DGKD: variants seen among roughly 807,000 people sequenced by gnomAD.
DGKD encodes the protein DAG kinase delta.
A neutral mutation model predicts 154.4 loss-of-function variants in DGKD; 68 were observed. That is an observed-to-expected ratio of 0.44 (90% CI 0.36 to 0.54). The LOEUF (loss-of-function observed/expected upper bound fraction) is 0.54. DGKD is among the 20% of genes least tolerant of loss of function. DGKD has a pLI of 0.00. For synonymous variants in DGKD, 693 were observed against 638.0 expected, an observed-to-expected ratio of 1.09 and a Z score of -1.30; for missense variants, 1,343 against 1,593.6, an observed-to-expected ratio of 0.84 and a Z score of 2.68.
Position 233,457,894 on chromosome 2 carries a change from T to G in DGKD, c.2581-390T>G. ...AGGTGTTGATAGGTTTAAACCTGGT[T>G]TAAACCTTCCTTTGTACGTAATAGC... On this transcript the variant is annotated intron_variant, in intron 21 of 29. Coordinates refer to ENST00000264057, the MANE Select transcript of DGKD (RefSeq NM_152879.3). The surrounding 1 kb of genome is among the most constrained non-coding windows in gnomAD (Gnocchi z 5.5). 1 of 323,328 alleles carries G rather than the reference T, an allele frequency of 3.1e-6. No individual in the cohort carries two copies. Among genetic ancestry groups the G allele is most frequent in the Middle Eastern group, 1.1e-3 (1 of 942 alleles). 20.0% of individuals were successfully genotyped at this position (323,328 alleles called of 1,614,324 possible). A position where few individuals can be genotyped will look rare whatever the true frequency, so the allele number is the denominator to read the frequency against.
At chr2:233,358,382 C>T (rs1383210756) in intron 1 of DGKD, among the ~76,000 whole-genome samples, 1 of 152,006 alleles carries the variant, frequency 6.6e-6, no homozygotes, top group Non-Finnish European at 1.5e-5. Flanking sequence ...AGCATTTTTT[C>T]CATTGTGAAA....
intron 17 of DGKD, 36 bp downstream of exon 17, chr2:233,451,086 C>G (rs1195325349): frequency 1.3e-6 from 2 of 1,586,416 alleles, no homozygotes; most frequent in Non-Finnish European, 1.7e-6. Flanking sequence ...TGGTGGGGGC[C>G]CTAGCACAAC....
chr2:233,449,438 C>T lies in DGKD; in HGVS notation c.1888+62C>T, dbSNP rs572636116. ...GCCAGCACTGGGCATGCCCAGCGTCCCCTGAACACGGAGATGACAGAAGGG... is the reference window on the plus strand; with the variant it reads ...GCCAGCACTGGGCATGCCCAGCGTCTCCTGAACACGGAGATGACAGAAGGG... On this transcript the variant is annotated intron_variant, in intron 15 of 29. Transcript: ENST00000264057. The surrounding 1 kb of genome is among the most constrained non-coding windows in gnomAD (Gnocchi z 5.3). 36 of 1,526,688 alleles carry T rather than the reference C, an allele frequency of 2.4e-5. No individual in the cohort carries two copies. The South Asian group carries it at 2.6e-4, about 11-fold the overall frequency. 94.6% of individuals were successfully genotyped at this position (1,526,688 alleles called of 1,614,324 possible).
chr2:233,446,654 G>T (rs909170502), intron 11 of DGKD, 58 bp from the exon 12 acceptor site: 3 of 1,574,020 alleles, frequency 1.9e-6, no homozygotes, highest in East Asian at 2.2e-5. Context: ...ACGGCGCAGG[G>T]TTCACCCTTG....
chr2:233,366,438 TG>T (rs919932602), intron 1 of DGKD, among the ~76,000 whole-genome samples: 10 of 152,136 alleles, frequency 6.6e-5, no homozygotes, highest in African/African-American at 2.4e-4. Context: ...GTGTGGGTGT[TG>T]GGGGAGAGGA....
At chr2:233,389,865 C>T (rs1180129534) in intron 2 of DGKD, among the ~76,000 whole-genome samples, 2 of 152,144 alleles carry the variant, frequency 1.3e-5, no homozygotes, top group Non-Finnish European at 2.9e-5. Context: ...GATCCTTCTG[C>T]TCTACTCCCT....
intron 18 of DGKD, among the ~76,000 whole-genome samples, chr2:233,453,003 G>A (rs1182189808): frequency 6.6e-6 from 1 of 152,196 alleles, no homozygotes; most frequent in Non-Finnish European, 1.5e-5. Context: ...GGGGCTGCGT[G>A]GGGCTCCAGT....
At position 233,408,050 on chromosome 2, in the gene DGKD, T is replaced by G. The variant is rs866947671; in HGVS notation, c.348+17567T>G. ...CTCGGAGAGAGGAAAAACTGTTTTT[T>G]TTTTTTTTTTTCAGATGAGTCTCAC... is the stretch of plus-strand genomic sequence containing the variant. On this transcript the variant is annotated intron_variant, in intron 3 of 29. Transcript: ENST00000264057. Among the ~76,000 whole-genome samples the G allele has an allele frequency of 5.3e-5, 8 of 151,702 alleles. No individual in the cohort carries two copies. The East Asian group carries it at 5.8e-4, about 11-fold the overall frequency.
intron 1 of DGKD, among the ~76,000 whole-genome samples, chr2:233,387,202 G>A (rs1703237762): frequency 6.6e-6 from 1 of 152,200 alleles, no homozygotes; most frequent in East Asian, 1.9e-4. Flanking sequence ...TAAGAACTTT[G>A]TACATGCACT....
At position 233,458,247 on chromosome 2, in the gene DGKD, T is replaced by C; in HGVS notation, c.2581-37T>C. The C allele has an allele frequency of 7.1e-7, 1 of 1,409,994 alleles. No individual in the cohort carries two copies. The highest frequency in any genetic ancestry group is 1.0e-6 in the Non-Finnish European group (1 of 999,506). 87.3% of individuals were successfully genotyped at this position (1,409,994 alleles called of 1,614,324 possible). ...TAGGGGCGGCCTGTGCTCGGGGATG[T>C]GTGGAGTGGTGGTCAGCTCTAACGT... On this transcript the variant is annotated intron_variant, in intron 21 of 29. Coordinates refer to ENST00000264057, the MANE Select transcript of DGKD (RefSeq NM_152879.3). This position sits in a 1 kb window ranked among gnomAD's most constrained non-coding sequence, Gnocchi z 6.6.
At chr2:233,367,109 T>G (rs1166570149) in intron 1 of DGKD, among the ~76,000 whole-genome samples, 2 of 152,214 alleles carry the variant, frequency 1.3e-5, no homozygotes, top group African/African-American at 2.4e-5. Flanking sequence ...CATCTTTGGT[T>G]GTTGTTATCT....
intron 17 of DGKD, among the ~76,000 whole-genome samples, chr2:233,451,398 C>T (rs1559167429): frequency 6.6e-6 from 1 of 151,996 alleles, no homozygotes. Flanking sequence ...TCCCGTGCTT[C>T]TAGCGTGGTC....
At chr2:233,447,932 G>A in intron 12 of DGKD, 155 bp from the exon 13 acceptor site, 1 of 1,471,040 alleles carries the variant, frequency 6.8e-7, no homozygotes, top group Non-Finnish European at 9.0e-7. Context: ...CGTTAGAAGT[G>A]AGTTGAGGCT....
chr2:233,429,520 C>A (rs1223406808), intron 3 of DGKD, among the ~76,000 whole-genome samples: 1 of 152,152 alleles, frequency 6.6e-6, no homozygotes, highest in Admixed American at 6.5e-5. Context: ...CTCTCAGGGC[C>A]CACTTTGTCG....
intron 6 of DGKD, 70 bp downstream of exon 6, chr2:233,435,994 T>A: frequency 7.0e-7 from 1 of 1,428,238 alleles, no homozygotes; most frequent in Non-Finnish European, 9.5e-7. Context: ...CATGCAAGCC[T>A]CCTCCCTGCC....
intron 1 of DGKD, among the ~76,000 whole-genome samples, chr2:233,382,036 C>G (rs994833675): frequency 1.3e-5 from 2 of 152,300 alleles, no homozygotes; most frequent in South Asian, 2.1e-4. Flanking sequence ...GAGTTCGAGA[C>G]CAGCCTGGCC....
intron 3 of DGKD, among the ~76,000 whole-genome samples, chr2:233,423,816 C>T (rs182860728): frequency 6.6e-6 from 1 of 152,258 alleles, no homozygotes; most frequent in East Asian, 1.9e-4. Context: ...ACCCACCCCC[C>T]CAGTATCCAT....
At chr2:233,432,804 A>G (rs919562054) in intron 3 of DGKD, among the ~76,000 whole-genome samples, 1 of 152,268 alleles carries the variant, frequency 6.6e-6, no homozygotes, top group African/African-American at 2.4e-5. Flanking sequence ...ACATTTCTCA[A>G]AAGAAGACAT....
In DGKD at chr2:233,438,211, G is replaced by A. The variant is rs369114628; in HGVS notation, c.923-6G>A. 15 of 1,613,360 alleles carry A rather than the reference G, an allele frequency of 9.3e-6. No homozygotes were observed. Among genetic ancestry groups the A allele is most frequent in the African/African-American group, 2.7e-5 (2 of 74,840 alleles). On this transcript the variant is annotated splice_polypyrimidine_tract_variant and splice_region_variant and intron_variant, in intron 8 of 29. Transcript: ENST00000264057. This position sits in a 1 kb window ranked among gnomAD's most constrained non-coding sequence, Gnocchi z 4.1. Reference sequence around the variant, plus strand: ...TATATTTTCTTCTGTTCGTTCTTGCGTCCAGGGTTCTGGAAGGCCAGCTGT... The same window carrying A: ...TATATTTTCTTCTGTTCGTTCTTGCATCCAGGGTTCTGGAAGGCCAGCTGT...
Sources: allele counts gnomAD v4.1 joint callset (sites outside exome capture counted in the v4.1 genomes callset), GRCh38; gene constraint gnomAD v4.1.1; non-coding constraint Gnocchi (gnomAD v3.1); transcripts MANE v1.5; gene names NCBI Gene and HGNC (gene_info 2026-07-23, HGNC 2026-07-21).